AP2B1: variants seen among roughly 807,000 people sequenced by gnomAD.
AP2B1 encodes the protein AP-2 complex subunit beta.
A neutral mutation model predicts 102.0 loss-of-function variants in AP2B1; 23 were observed. The observed-to-expected ratio is 0.23, with a 90% CI of 0.16 to 0.32. The LOEUF (loss-of-function observed/expected upper bound fraction) is 0.32. Ranked by LOEUF, AP2B1 falls within the 10% of genes least tolerant of loss-of-function variation. AP2B1 has a pLI of 1.00. For missense variants in AP2B1, 541 were observed against 1,157.4 expected (o/e 0.47, Z 7.73); for synonymous variants, 381 against 421.2 (o/e 0.90, Z 1.17).
chr17:35,670,562 T>G (rs1419162046), intron 14 of AP2B1, among the ~76,000 whole-genome samples: 1 of 152,190 alleles, frequency 6.6e-6, no homozygotes, highest in Non-Finnish European at 1.5e-5. Flanking sequence ...AAATCTTGTT[T>G]GGGTTTGTGC....
rs539200323 is a variant in AP2B1, at chr17:35,643,685, G to C, written c.1536+1710G>C. 8.3e-4 allele frequency among the ~76,000 whole-genome samples: 127 copies of C among 152,250 alleles called. 2 individuals carry two copies. The highest frequency in any genetic ancestry group is 2.8e-3 in the African/African-American group (117 of 41,546). On this transcript the variant is annotated intron_variant, in intron 12 of 21. Transcript: ENST00000610402. The stretch of plus-strand genomic sequence containing the variant: ...TGGATACCTGGACTGCATTGTTTTT[G>C]ACCCCTAATAAAATTGCTTTTACTA...
intron 13 of AP2B1, among the ~76,000 whole-genome samples, chr17:35,654,388 T>C (rs1207111762): frequency 3.3e-5 from 5 of 152,178 alleles, no homozygotes; most frequent in African/African-American, 1.2e-4. Flanking sequence ...TTTTACTTTT[T>C]ATCATATAAA....
chr17:35,646,586 A>ATTT (rs34634602), intron 12 of AP2B1, among the ~76,000 whole-genome samples: 7 of 135,618 alleles, frequency 5.2e-5, no homozygotes, highest in African/African-American at 1.1e-4. Context: ...TATATATATA[A>ATTT]TTTTTTTTTT....
intron 9 of AP2B1, among the ~76,000 whole-genome samples, chr17:35,634,792 C>T (rs2074559416): frequency 6.6e-6 from 1 of 152,168 alleles, no homozygotes; most frequent in Non-Finnish European, 1.5e-5. Context: ...CTTGAAAGCT[C>T]CTACAAAATT....
At chr17:35,689,746 T>C (rs1817700471) in intron 18 of AP2B1, among the ~76,000 whole-genome samples, 1 of 152,216 alleles carries the variant, frequency 6.6e-6, no homozygotes, top group African/African-American at 2.4e-5. Context: ...TTCAGTTTCA[T>C]CATTGCATCA....
chr17:35,695,255 G>A (rs1243707869), intron 18 of AP2B1, among the ~76,000 whole-genome samples: 1 of 152,118 alleles, frequency 6.6e-6, no homozygotes, highest in Non-Finnish European at 1.5e-5. Context: ...AGTATCACAG[G>A]TGGGTTATAC....
chr17:35,678,022 G>C (rs941578424), intron 17 of AP2B1, among the ~76,000 whole-genome samples: 2 of 151,960 alleles, frequency 1.3e-5, no homozygotes, highest in African/African-American at 4.8e-5. Flanking sequence ...ACCATGCCCA[G>C]CTAATTTTTG....
chr17:35,718,461 C>G (rs1035050552), intron 21 of AP2B1, among the ~76,000 whole-genome samples: 8 of 152,092 alleles, frequency 5.3e-5, no homozygotes, highest in African/African-American at 1.7e-4. Context: ...CCCAACCCCC[C>G]ACCAGTCTCA....
chr17:35,682,966 C>T lies in AP2B1; in HGVS notation c.2454+142C>T, dbSNP rs376324252. On this transcript the variant is annotated intron_variant, in intron 18 of 21. Coordinates refer to ENST00000610402, the MANE Select transcript of AP2B1 (RefSeq NM_001030006.2). ...GATCTTGGCTCACTGCAACCTCTGC[C>T]TCCTGGGTTCAAATGGTGCTCCTGC... The T allele has an allele frequency of 9.5e-5, 67 of 701,782 alleles. No individual in the cohort carries two copies. The African/African-American group carries it at 1.0e-3, about 11-fold the overall frequency. 43.5% of individuals were successfully genotyped at this position (701,782 alleles called of 1,614,324 possible). A position where few individuals can be genotyped will look rare whatever the true frequency, so the allele number is the denominator to read the frequency against.
At chr17:35,663,371 A>G (rs1028545561) in intron 14 of AP2B1, among the ~76,000 whole-genome samples, 1 of 152,218 alleles carries the variant, frequency 6.6e-6, no homozygotes, top group Non-Finnish European at 1.5e-5. Flanking sequence ...AGAACAACTC[A>G]AGAAGATAAT....
At chr17:35,717,568 C>T (rs2085213086) in intron 21 of AP2B1, among the ~76,000 whole-genome samples, 1 of 152,200 alleles carries the variant, frequency 6.6e-6, no homozygotes, top group Non-Finnish European at 1.5e-5. Flanking sequence ...GCAAGTGCCT[C>T]AAATCCATCC....
rs775909100 is a variant in AP2B1 at position 35,627,491 on chromosome 17, G to A, written c.1045G>A (p.Ala349Thr). The A allele has an allele frequency of 1.2e-6, 2 of 1,614,064 alleles. No individual in the cohort carries two copies. Among genetic ancestry groups the A allele is most frequent in the South Asian group, 2.2e-5 (2 of 91,076 alleles). Residue 349 changes from alanine (A) to threonine (T), a missense_variant, in exon 8 of 22, where the codon GCC becomes ACC. Ala to Thr is a moderately conservative substitution (Grantham distance 58). Transcript: ENST00000610402. ...LDIMIRLASQ[A>T]NIAQVLAELK... is the part of the protein sequence containing the mutation. Reference sequence around the variant, plus strand: ...CATCATGATTCGTTTGGCATCTCAAGCCAACATTGCTCAGGTCAGACTTTA... The same window carrying A: ...CATCATGATTCGTTTGGCATCTCAAACCAACATTGCTCAGGTCAGACTTTA...
chr17:35,628,490 C>T (rs755856829), intron 9 of AP2B1, among the ~76,000 whole-genome samples: 9 of 152,150 alleles, frequency 5.9e-5, no homozygotes, highest in Non-Finnish European at 1.2e-4. Context: ...GTAGTCCCAG[C>T]TACTTGGAAG....
At chr17:35,662,144 T>C (rs892292290) in intron 14 of AP2B1, among the ~76,000 whole-genome samples, 28 of 152,116 alleles carry the variant, frequency 1.8e-4, no homozygotes, top group Non-Finnish European at 1.2e-4. Flanking sequence ...ATACTGTAGC[T>C]CCCCAGGTGA....
In AP2B1 at chr17:35,627,379, C is replaced by T; in HGVS notation, c.939-6C>T. ...CCTTCCTTTCTTCTGTTTCTGTGTA[C>T]CCTAGGCCTGAAATCTTGAAGCAGG... is the stretch of plus-strand genomic sequence containing the variant. On this transcript the variant is annotated splice_polypyrimidine_tract_variant and splice_region_variant and intron_variant, in intron 7 of 21. Coordinates refer to ENST00000610402, the MANE Select transcript of AP2B1 (RefSeq NM_001030006.2). 6.2e-7 allele frequency: 1 copy of T among 1,602,544 alleles called. No homozygotes were observed.
At chr17:35,617,612 C>T (rs917896484) in intron 5 of AP2B1, among the ~76,000 whole-genome samples, 1 of 152,028 alleles carries the variant, frequency 6.6e-6, no homozygotes, top group Admixed American at 6.6e-5. Flanking sequence ...CAAGGGTGTA[C>T]GTTTAAAGTA....
At chr17:35,656,752 G>A (rs1247849325) in intron 13 of AP2B1, among the ~76,000 whole-genome samples, 2 of 152,138 alleles carry the variant, frequency 1.3e-5, no homozygotes, top group African/African-American at 4.8e-5. Flanking sequence ...GGGCACGGTG[G>A]TGGGCGCCTG....
At chr17:35,609,628 T>G (rs2073797059) in intron 5 of AP2B1, among the ~76,000 whole-genome samples, 1 of 152,198 alleles carries the variant, frequency 6.6e-6, no homozygotes, top group African/African-American at 2.4e-5. Flanking sequence ...ATTACATGTG[T>G]GAGCCACCGC....
chr17:35,595,389 A>G (rs2142307794), intron 2 of AP2B1, among the ~76,000 whole-genome samples: 1 of 152,134 alleles, frequency 6.6e-6, no homozygotes, highest in South Asian at 2.1e-4. Flanking sequence ...ATGAAAAAAA[A>G]TTTAAAAATT....
Sources: gnomAD v4.1 joint callset for allele counts (sites outside exome capture counted in the v4.1 genomes callset) on GRCh38, gnomAD v4.1.1 for gene constraint, MANE v1.5 for transcripts, NCBI Gene and HGNC (gene_info 2026-07-23, HGNC 2026-07-21) for gene names.